The following FBXW8 variants were observed in gnomAD, a reference collection of about 807,000 sequenced individuals.
FBXW8 encodes the protein F-box/WD repeat-containing protein 8.
A neutral mutation model predicts 65.3 loss-of-function variants in FBXW8; 57 were observed. The observed-to-expected ratio is 0.87, with a 90% CI of 0.71 to 1.09. FBXW8 has a LOEUF of 1.09. Ranked by LOEUF, FBXW8 falls within the 50% of genes least tolerant of loss-of-function variation. The pLI, the probability that FBXW8 is intolerant of heterozygous loss-of-function variation, is 0.00. For synonymous variants in FBXW8, 308 were observed against 330.2 expected (o/e 0.93, Z 0.73); for missense variants, 777 against 814.8 (o/e 0.95, Z 0.57).
intron 9 of FBXW8, among the ~76,000 whole-genome samples, chr12:117,024,980 G>A (rs10850743): frequency 0.31 from 47,672 of 152,144 alleles, 11,852 homozygotes; most frequent in African/African-American, 0.7. Context: ...GTTTACGCCA[G>A]TGGCACCTAA....
chr12:116,960,546 T>G (rs1425452444), intron 4 of FBXW8, among the ~76,000 whole-genome samples: 2 of 152,248 alleles, frequency 1.3e-5, no homozygotes, highest in Non-Finnish European at 2.9e-5. Flanking sequence ...ATTTAGCTTA[T>G]CCCCTGTTTT....
chr12:116,970,807 T>C (rs1020599496), intron 5 of FBXW8, among the ~76,000 whole-genome samples: 2 of 152,142 alleles, frequency 1.3e-5, no homozygotes, highest in African/African-American at 4.8e-5. Flanking sequence ...TGTGGAGAAG[T>C]TGATTTTTTT....
intron 2 of FBXW8, among the ~76,000 whole-genome samples, chr12:116,930,651 G>A (rs1231086141): frequency 6.6e-6 from 1 of 152,090 alleles, no homozygotes; most frequent in African/African-American, 2.4e-5. Flanking sequence ...TTAGTTTGAT[G>A]TAATCCCATT....
chr12:116,914,298 G>T (rs1880224214), intron 1 of FBXW8, among the ~76,000 whole-genome samples: 1 of 151,938 alleles, frequency 6.6e-6, no homozygotes, highest in East Asian at 1.9e-4. Flanking sequence ...AAACTTTGTG[G>T]CTGGGCAAGG....
At chr12:116,964,550 G>T in intron 4 of FBXW8, 147 bp from the exon 5 acceptor site, 1 of 768,128 alleles carries the variant, frequency 1.3e-6, no homozygotes, top group Non-Finnish European at 2.2e-6. Flanking sequence ...TTCTCCTGTT[G>T]GAGTCACTCA....
intron 8 of FBXW8, among the ~76,000 whole-genome samples, chr12:117,014,065 T>TA (rs1953890243): frequency 6.6e-6 from 1 of 152,192 alleles, no homozygotes; most frequent in Non-Finnish European, 1.5e-5. Context: ...ATAATGTAAA[T>TA]ATTAAACCTT....
intron 7 of FBXW8, among the ~76,000 whole-genome samples, chr12:116,991,012 C>G (rs1240079362): frequency 6.6e-6 from 1 of 152,122 alleles, no homozygotes; most frequent in Non-Finnish European, 1.5e-5. Context: ...AAAGTATAGT[C>G]CTGTAAGCTG....
intron 8 of FBXW8, among the ~76,000 whole-genome samples, chr12:117,012,115 C>T (rs965652284): frequency 1.3e-5 from 2 of 152,084 alleles, no homozygotes; most frequent in Admixed American, 6.5e-5. Flanking sequence ...CCTGTGGATA[C>T]TGAGGGCTGA....
Position 116,985,405 on chromosome 12 carries a change from GAGCTTTTT to G in FBXW8, c.1032+6_1032+13del, listed in dbSNP as rs1366914890. ...CGGAATTTGAAGTTCCGAAACTGGTGAGCTTTTTAGTCTGGTCATCTTATTTTCTATTC... is the reference window on the plus strand; with the variant it reads ...CGGAATTTGAAGTTCCGAAACTGGTGAGTCTGGTCATCTTATTTTCTATTC... On this transcript the variant is annotated splice_donor_5th_base_variant and intron_variant, in intron 6 of 10. Coordinates refer to ENST00000652555, the MANE Select transcript of FBXW8 (RefSeq NM_153348.3). 14 of 1,611,512 alleles carry G rather than the reference GAGCTTTTT, an allele frequency of 8.7e-6. No homozygotes were observed. Among genetic ancestry groups the G allele is most frequent in the Middle Eastern group, 1.7e-4 (1 of 6,040 alleles).
intron 8 of FBXW8, among the ~76,000 whole-genome samples, chr12:117,012,680 G>A (rs940380104): frequency 6.6e-6 from 1 of 152,156 alleles, no homozygotes; most frequent in African/African-American, 2.4e-5. Flanking sequence ...TCAAAAGTGG[G>A]AGAAAGGGGT....
At chr12:116,988,946 G>C (rs1272840953) in intron 7 of FBXW8, 77 bp downstream of exon 7, 1 of 1,384,862 alleles carries the variant, frequency 7.2e-7, no homozygotes, top group African/African-American at 1.5e-5. Context: ...AAAAATTAAA[G>C]CTCTTCAATA....
At chr12:116,983,555 A>G (rs553832341) in intron 5 of FBXW8, among the ~76,000 whole-genome samples, 67 of 152,222 alleles carry the variant, frequency 4.4e-4, no homozygotes, top group Non-Finnish European at 7.1e-4. Context: ...TTAGTGCTGA[A>G]TGATCCTTTA....
chr12:116,916,911 T>TGTGTGTGTGAGA lies in FBXW8; in HGVS notation c.318+5557_318+5558insTGTGTGTGAGAG, dbSNP rs59006120. ...GTGCGTGTGTGTGTGTGTGTGTGTG[T>TGTGTGTGTGAGA]GAGAGAGAGAGAGAGAAAGAGGTGT... On this transcript the variant is annotated intron_variant, in intron 1 of 10. Transcript: ENST00000652555. 1.7e-3 allele frequency among the ~76,000 whole-genome samples: 253 copies of TGTGTGTGTGAGA among 145,716 alleles called. 3 individuals carry two copies. The highest frequency in any genetic ancestry group is 3.4e-3 in the Middle Eastern group (1 of 292).
Position 116,964,733 on chromosome 12 carries a change from C to T in FBXW8, c.714C>T (p.Arg238=). The change falls in exon 5 of 11, where the codon CGC becomes CGT. Residue 238 remains arginine, a synonymous_variant. Transcript: ENST00000652555. The part of the protein sequence containing the change: ...TSGDVRVWDT[R]TWDYVAPFLE... ...GGGATGTGAGAGTGTGGGACACCCG[C>T]ACCTGGGACTACGTAGCCCCCTTCC... is the stretch of plus-strand genomic sequence containing the variant. 1 of 1,613,812 alleles carries T rather than the reference C, an allele frequency of 6.2e-7. No homozygotes were observed.
chr12:117,013,823 A>G (rs1006843353), intron 8 of FBXW8, among the ~76,000 whole-genome samples: 9 of 152,046 alleles, frequency 5.9e-5, no homozygotes, highest in Non-Finnish European at 1.3e-4. Flanking sequence ...GCAACAATGA[A>G]TTAATAGCTT....
At chr12:116,937,501 T>C (rs1378302958) in intron 2 of FBXW8, among the ~76,000 whole-genome samples, 1 of 152,174 alleles carries the variant, frequency 6.6e-6, no homozygotes, top group Non-Finnish European at 1.5e-5. Context: ...CTTGGGACCA[T>C]GGGATAAATG....
At chr12:116,929,012 G>A (rs1312694407) in intron 2 of FBXW8, among the ~76,000 whole-genome samples, 1 of 151,996 alleles carries the variant, frequency 6.6e-6, no homozygotes, top group Non-Finnish European at 1.5e-5. Context: ...GATTTCACTG[G>A]CCAGCCTGGT....
At chr12:116,958,828 A>G (rs1405258722) in intron 4 of FBXW8, among the ~76,000 whole-genome samples, 1 of 152,238 alleles carries the variant, frequency 6.6e-6, no homozygotes, top group Non-Finnish European at 1.5e-5. Flanking sequence ...GTGATCATGA[A>G]TAACTCATTA....
At chr12:116,933,282 A>G (rs11068245) in intron 2 of FBXW8, among the ~76,000 whole-genome samples, 4,404 of 152,278 alleles carry the variant, frequency 0.029, 186 homozygotes, top group East Asian at 0.2. Flanking sequence ...TAGATGATAA[A>G]ATCTTCATTC....
Sources: gnomAD v4.1 joint callset for allele counts (sites outside exome capture counted in the v4.1 genomes callset) on GRCh38, gnomAD v4.1.1 for gene constraint, MANE v1.5 for transcripts, NCBI Gene and HGNC (gene_info 2026-07-23, HGNC 2026-07-21) for gene names.